TP73: variants seen among roughly 807,000 people sequenced by gnomAD.
The protein encoded by TP73 is tumor protein p73.
A neutral mutation model predicts 62.5 loss-of-function variants in TP73; 25 were observed. The ratio of observed to expected loss-of-function variants is 0.40; its 90% CI spans 0.29 to 0.56. The LOEUF is 0.56. Among genes scored for constraint, TP73 ranks in the 20% least tolerant of loss-of-function variants. The probability of loss-of-function intolerance (pLI) is 0.46; values close to 1 mark genes in which losing one functional copy is unlikely to be tolerated. For synonymous variants in TP73, 423 were observed against 377.5 expected, an observed-to-expected ratio of 1.12 and a Z score of -1.40; for missense variants, 754 against 913.3, an observed-to-expected ratio of 0.83 and a Z score of 2.25.
chr1:3,667,105 G>A (rs539632757), intron 1 of TP73, among the ~76,000 whole-genome samples: 10 of 152,294 alleles, frequency 6.6e-5, no homozygotes, highest in African/African-American at 1.7e-4. Context: ...GGAGGAAAGT[G>A]TCACATGCCA....
Position 3,690,684 on chromosome 1 carries a change from T to G in TP73, c.186+7504T>G, listed in dbSNP as rs923198910. ...GGGTTTTGTTGTTGGATTCAGCCAG[T>G]TGACAGAACTAAGGGAGATGGGAAA... is the stretch of plus-strand genomic sequence containing the variant. On this transcript the variant is annotated intron_variant, in intron 3 of 13. Transcript: ENST00000378295. The G allele has an allele frequency of 4.2e-6, 6 of 1,411,830 alleles. No homozygotes were observed. In the African/African-American group the frequency reaches 7.2e-5, roughly 17 times the overall value. The allele number at this position is 1,411,830 out of a possible 1,614,324, so 87.5% of individuals were successfully genotyped here. A position where few individuals can be genotyped will look rare whatever the true frequency, so the allele number is the denominator to read the frequency against.
At position 3,670,151 on chromosome 1, in the gene TP73, T is replaced by C. The variant is rs1645207560; in HGVS notation, c.-33-12182T>C. ...TTGCTGTGTCGCTCTGGGTGCGTTTTACACCACTCTGAGGATCTCTCTGCT... is the reference window on the plus strand; with the variant it reads ...TTGCTGTGTCGCTCTGGGTGCGTTTCACACCACTCTGAGGATCTCTCTGCT... On this transcript the variant is annotated intron_variant, in intron 1 of 13. Transcript: ENST00000378295. This position sits in a 1 kb window ranked among gnomAD's most constrained non-coding sequence, Gnocchi z 5.9. 1.3e-5 allele frequency among the ~76,000 whole-genome samples: 2 copies of C among 151,900 alleles called. No homozygotes were observed. The highest frequency in any genetic ancestry group is 4.2e-4 in the South Asian group (2 of 4,808).
At chr1:3,660,337 C>T (rs562762623) in intron 1 of TP73, among the ~76,000 whole-genome samples, 35 of 152,328 alleles carry the variant, frequency 2.3e-4, no homozygotes, top group Admixed American at 6.5e-4. Flanking sequence ...TTTCCTCCAA[C>T]GGGTTTCATT....
At chr1:3,715,216 C>A (rs1640492762) in intron 4 of TP73, among the ~76,000 whole-genome samples, 1 of 152,178 alleles carries the variant, frequency 6.6e-6, no homozygotes, top group Non-Finnish European at 1.5e-5. Context: ...CCCTAAGGGG[C>A]TTAAGTCCAG....
intron 13 of TP73, 127 bp from the exon 14 acceptor site, chr1:3,732,620 T>C (rs1438966963): frequency 3.7e-6 from 3 of 817,714 alleles, no homozygotes; most frequent in Non-Finnish European, 5.6e-6. Context: ...CTCCCCCGTC[T>C]CCTGCCTACT....
chr1:3,717,702 G>A (rs368479438), intron 4 of TP73, among the ~76,000 whole-genome samples: 123 of 152,270 alleles, frequency 8.1e-4, no homozygotes, highest in Non-Finnish European at 1.2e-3. Flanking sequence ...CTGGGGGAGC[G>A]CTGGAGCCGT....
chr1:3,666,423 T>C lies in TP73; in HGVS notation c.-34+13782T>C, dbSNP rs1885860. Among the ~76,000 whole-genome samples, 152,200 of 152,332 alleles carry C rather than the reference T, an allele frequency of 1. 76,035 individuals are homozygous for C. The highest frequency in any genetic ancestry group is 1 in the Middle Eastern group (294 of 294). On this transcript the variant is annotated intron_variant, in intron 1 of 13. Transcript: ENST00000378295. This position sits in a 1 kb window ranked among gnomAD's most constrained non-coding sequence, Gnocchi z 6.4. ...CAGAGTAAGCTGTGTGTTGGTGGGG[T>C]GTAATTATGGGTCATATTGACAGTT...
At chr1:3,726,813 GTGGATGGATGGATGGATAGA>G (rs1557581253) in intron 6 of TP73, among the ~76,000 whole-genome samples, 1 of 149,012 alleles carries the variant, frequency 6.7e-6, no homozygotes, top group Admixed American at 6.7e-5. Flanking sequence ...AAATGGGGGA[GTGGATGGATGGATGGATAGA>G]TGGGTGGGTG....
chr1:3,668,038 C>T (rs1428734780), intron 1 of TP73, among the ~76,000 whole-genome samples: 1 of 152,210 alleles, frequency 6.6e-6, no homozygotes, highest in East Asian at 1.9e-4. Context: ...GCTATTGCTC[C>T]TCCTGTCACC....
At chr1:3,668,300 C>CA (rs1557490179) in intron 1 of TP73, among the ~76,000 whole-genome samples, 1 of 152,200 alleles carries the variant, frequency 6.6e-6, no homozygotes. Flanking sequence ...CCATGAGTAG[C>CA]TGTCACACAC....
At chr1:3,684,590 G>A (rs1217569439) in intron 3 of TP73, among the ~76,000 whole-genome samples, 1 of 151,972 alleles carries the variant, frequency 6.6e-6, no homozygotes. Context: ...GAGTGTAGAG[G>A]TGGAGGGGCC....
chr1:3,727,768 G>C lies in TP73; in HGVS notation c.983G>C (p.Arg328Pro). ...SSAKNGAASKRAFKQSPPAVP... is the reference protein window; with the variant it reads ...SSAKNGAASKPAFKQSPPAVP... Reference sequence around the variant, plus strand: ...GCCAAGAACGGGGCCGCCAGCAAGCGTGGTGAGCGGCCGGCCAGGGGAACT... The same window carrying C: ...GCCAAGAACGGGGCCGCCAGCAAGCCTGGTGAGCGGCCGGCCAGGGGAACT... The change falls in exon 8 of 14, where the codon CGT (arginine) becomes CCT (proline). Residue 328 changes from arginine (R) to proline (P), a missense_variant and splice_region_variant. Coordinates refer to ENST00000378295, the MANE Select transcript of TP73 (RefSeq NM_005427.4). The C allele has an allele frequency of 6.5e-6, 10 of 1,535,926 alleles. No homozygotes were observed. Among genetic ancestry groups the C allele is most frequent in the Non-Finnish European group, 8.8e-6 (10 of 1,140,008 alleles).
At position 3,677,809 on chromosome 1, in the gene TP73, TCA is replaced by T. The variant is rs1645408907; in HGVS notation, c.-33-4523_-33-4522del. ...CCTGGGCTCAAGTGATTCTCCCACC[TCA>T]GCACCCTGCGTGGTTTGGACTGCAG... On this transcript the variant is annotated intron_variant, in intron 1 of 13. Transcript: ENST00000378295. 2.0e-5 allele frequency among the ~76,000 whole-genome samples: 3 copies of T among 146,596 alleles called. No homozygotes were observed. In the South Asian group the frequency reaches 7.1e-4, roughly 35 times the overall value.
chr1:3,727,823 T>C lies in TP73; in HGVS notation c.985+53T>C, dbSNP rs576149295. On this transcript the variant is annotated intron_variant, in intron 8 of 13. Transcript: ENST00000378295. Reference sequence around the variant, plus strand: ...GCGTGTGGGAGGAGAAGGGGACACATTGGCAGGACACAATGTGAGCCCGCG... The same window carrying C: ...GCGTGTGGGAGGAGAAGGGGACACACTGGCAGGACACAATGTGAGCCCGCG... 520 of 1,477,088 alleles carry C rather than the reference T, an allele frequency of 3.5e-4. 1 individual carries two copies. The African/African-American group carries it at 4.3e-3, about 12-fold the overall frequency. The allele number at this position is 1,477,088 out of a possible 1,614,324, so 91.5% of individuals were successfully genotyped here. A position where few individuals can be genotyped will look rare whatever the true frequency, so the allele number is the denominator to read the frequency against.
chr1:3,688,248 G>A (rs12562573), intron 3 of TP73, among the ~76,000 whole-genome samples: 44,409 of 152,024 alleles, frequency 0.29, 7,823 homozygotes, highest in Non-Finnish European at 0.38. Context: ...GCACTTTGGG[G>A]CTGCACAGAA....
chr1:3,730,172 C>A, intron 11 of TP73, 24 bp downstream of exon 11: 1 of 1,511,046 alleles, frequency 6.6e-7, no homozygotes, highest in Non-Finnish European at 8.9e-7. Flanking sequence ...GCAGTGCGGG[C>A]CCACGGGCAG....
chr1:3,653,919 C>A (rs1191166153), intron 1 of TP73, among the ~76,000 whole-genome samples: 1 of 152,188 alleles, frequency 6.6e-6, no homozygotes, highest in Non-Finnish European at 1.5e-5. Flanking sequence ...GCCTGTCATC[C>A]CTCACAGCCT....
chr1:3,685,932 G>T (rs1399933093), intron 3 of TP73, among the ~76,000 whole-genome samples: 1 of 152,254 alleles, frequency 6.6e-6, no homozygotes, highest in African/African-American at 2.4e-5. Flanking sequence ...CCTTGGACAA[G>T]AAACACCACA....
Position 3,735,466 on chromosome 1 carries a change from AG to A in TP73, c.*2388del, listed in dbSNP as rs1427185250. The A allele has an allele frequency of 6.6e-6, 1 of 152,266 alleles. No individual in the cohort carries two copies. The highest frequency in any genetic ancestry group is 2.4e-5 in the African/African-American group (1 of 41,436). The allele number at this position is 152,266 out of a possible 1,614,324, so 9.4% of individuals were successfully genotyped here. The stretch of plus-strand genomic sequence containing the variant: ...AGCCAGATGTCCAAGGAAGCCGGCC[AG>A]AACACGGAGCAGCCAGATGGCCCCA... On this transcript the variant is annotated 3_prime_UTR_variant, in exon 14 of 14. Coordinates refer to ENST00000378295, the MANE Select transcript of TP73 (RefSeq NM_005427.4).
Sources: allele counts gnomAD v4.1 joint callset (sites outside exome capture counted in the v4.1 genomes callset), GRCh38; gene constraint gnomAD v4.1.1; non-coding constraint Gnocchi (gnomAD v3.1); transcripts MANE v1.5; gene names NCBI Gene and HGNC (gene_info 2026-07-23, HGNC 2026-07-21).